Variants in PDE4B observed in about 807,000 individuals in gnomAD.
The protein encoded by PDE4B is phosphodiesterase 4B, also known as 3',5'-cyclic-AMP phosphodiesterase 4B.
Under a neutral mutation model 82.2 loss-of-function variants are expected in PDE4B, and 20 were observed. That is an observed-to-expected ratio of 0.24 (90% CI 0.17 to 0.35). PDE4B has a LOEUF of 0.35. PDE4B is among the 10% of genes least tolerant of loss of function. The pLI, the probability that PDE4B is intolerant of heterozygous loss-of-function variation, is 1.00. For synonymous variants in PDE4B, 320 were observed against 318.9 expected (o/e 1.00, Z -0.04); for missense variants, 655 against 907.2 (o/e 0.72, Z 3.57).
At chr1:65,879,106 C>T (rs1035113881) in intron 1 of PDE4B, among the ~76,000 whole-genome samples, 1 of 151,962 alleles carries the variant, frequency 6.6e-6, no homozygotes, top group East Asian at 1.9e-4. Flanking sequence ...CTCCTTTTAC[C>T]CTCTAGACTC....
rs577305540 is a variant in PDE4B, at chr1:66,214,472, G to T, written c.282-32988G>T. Among the ~76,000 whole-genome samples the T allele has an allele frequency of 2.6e-5, 4 of 152,010 alleles. No homozygotes were observed. In the East Asian group the frequency reaches 7.7e-4, roughly 29 times the overall value. Reference sequence around the variant, plus strand: ...GCTCTTGGTTAGGTATTGGGCTGAGGGATTGCACATATATTATTGCATCAA... The same window carrying T: ...GCTCTTGGTTAGGTATTGGGCTGAGTGATTGCACATATATTATTGCATCAA... On this transcript the variant is annotated intron_variant, in intron 3 of 16. Coordinates refer to ENST00000341517, the MANE Select transcript of PDE4B (RefSeq NM_002600.4).
intron 1 of PDE4B, among the ~76,000 whole-genome samples, chr1:65,890,895 G>A (rs186188645): frequency 2.3e-4 from 35 of 152,038 alleles, no homozygotes; most frequent in African/African-American, 8.2e-4. Flanking sequence ...AACAGCTGCT[G>A]TGGTAGTTAG....
intron 3 of PDE4B, among the ~76,000 whole-genome samples, chr1:65,998,489 G>A (rs1320223958): frequency 6.6e-6 from 1 of 152,032 alleles, no homozygotes; most frequent in Non-Finnish European, 1.5e-5. Flanking sequence ...TACTTTGCAG[G>A]TCAGGTAGAG....
rs561550383 is a variant in PDE4B at position 65,894,464 on chromosome 1, G to C, written c.-70-18781G>C. The stretch of plus-strand genomic sequence containing the variant: ...ATAGGAACATAATCTATGAAATGAT[G>C]GGTTGATCAAAGATTTCTTAGAACA... On this transcript the variant is annotated intron_variant, in intron 1 of 16. Coordinates refer to ENST00000341517, the MANE Select transcript of PDE4B (RefSeq NM_002600.4). Among the ~76,000 whole-genome samples, 6 of 152,142 alleles carry C rather than the reference G, an allele frequency of 3.9e-5. No individual in the cohort carries two copies. The East Asian group carries it at 9.7e-4, about 25-fold the overall frequency.
At chr1:66,274,025 T>C (rs1259103883) in intron 7 of PDE4B, among the ~76,000 whole-genome samples, 1 of 152,250 alleles carries the variant, frequency 6.6e-6, no homozygotes, top group Non-Finnish European at 1.5e-5. Context: ...ACTATATTGT[T>C]CTCTTAGTGC....
chr1:66,332,260 G>T, intron 7 of PDE4B: 1 of 1,469,362 alleles, frequency 6.8e-7, no homozygotes. Flanking sequence ...AAGTTTCTTG[G>T]TAGATCACCG....
intron 1 of PDE4B, among the ~76,000 whole-genome samples, chr1:65,806,050 A>C (rs77978858): frequency 0.017 from 2,514 of 152,188 alleles, 112 homozygotes; most frequent in East Asian, 0.12. Context: ...ATTAATTCTG[A>C]AGTCAATTTT....
chr1:66,286,088 A>G (rs1656655045), intron 7 of PDE4B, among the ~76,000 whole-genome samples: 1 of 152,196 alleles, frequency 6.6e-6, no homozygotes, highest in South Asian at 2.1e-4. Flanking sequence ...AATAAGTGCT[A>G]AATAAATAAA....
At chr1:66,201,158 G>A (rs1295203304) in intron 3 of PDE4B, among the ~76,000 whole-genome samples, 1 of 152,168 alleles carries the variant, frequency 6.6e-6, no homozygotes, top group African/African-American at 2.4e-5. Context: ...TTATTGATTT[G>A]TGCATGTTGA....
At chr1:66,068,152 A>G (rs1655964579) in intron 3 of PDE4B, among the ~76,000 whole-genome samples, 1 of 151,792 alleles carries the variant, frequency 6.6e-6, no homozygotes, top group Non-Finnish European at 1.5e-5. Context: ...TGGGGGAGCT[A>G]TATGTATAAT....
chr1:66,078,398 C>T (rs185649572), intron 3 of PDE4B, among the ~76,000 whole-genome samples: 162 of 152,016 alleles, frequency 1.1e-3, no homozygotes, highest in Middle Eastern at 6.8e-3. Flanking sequence ...TTAGTAGATA[C>T]GGGGTTTCAC....
chr1:65,862,086 T>C (rs1350905109), intron 1 of PDE4B, among the ~76,000 whole-genome samples: 4 of 152,154 alleles, frequency 2.6e-5, no homozygotes, highest in African/African-American at 4.8e-5. Flanking sequence ...CAATACTATA[T>C]TGAATTGTAG....
chr1:65,815,667 C>G (rs1645874683), intron 1 of PDE4B, among the ~76,000 whole-genome samples: 2 of 152,064 alleles, frequency 1.3e-5, no homozygotes, highest in Admixed American at 1.3e-4. Context: ...AGTTTCTGTT[C>G]AATAAAATTT....
chr1:66,232,498 G>A (rs1051094297), intron 3 of PDE4B, among the ~76,000 whole-genome samples: 3 of 152,142 alleles, frequency 2.0e-5, no homozygotes, highest in African/African-American at 7.2e-5. Flanking sequence ...TAAATAGATA[G>A]TATTCTATAT....
chr1:66,031,004 T>G lies in PDE4B; in HGVS notation c.281+112169T>G, dbSNP rs1490049437. Among the ~76,000 whole-genome samples, 4 of 152,186 alleles carry G rather than the reference T, an allele frequency of 2.6e-5. No individual in the cohort carries two copies. The East Asian group carries it at 7.7e-4, about 29-fold the overall frequency. On this transcript the variant is annotated intron_variant, in intron 3 of 16. Coordinates refer to ENST00000341517, the MANE Select transcript of PDE4B (RefSeq NM_002600.4). ...GGGCATGAGCTGAAGAACCATCTGT[T>G]GGATATTATGCTTTCTGCCTGGGTG...
At chr1:66,322,375 A>T (rs1459752801) in intron 7 of PDE4B, among the ~76,000 whole-genome samples, 1 of 152,174 alleles carries the variant, frequency 6.6e-6, no homozygotes, top group Non-Finnish European at 1.5e-5. Context: ...CAGAGTGAAC[A>T]GGCAACCTAC....
At chr1:66,202,345 T>C (rs1311379079) in intron 3 of PDE4B, among the ~76,000 whole-genome samples, 1 of 152,228 alleles carries the variant, frequency 6.6e-6, no homozygotes, top group East Asian at 1.9e-4. Flanking sequence ...TGGAGAGTTC[T>C]GTAGATATCT....
chr1:66,029,883 A>C (rs1463312782), intron 3 of PDE4B, among the ~76,000 whole-genome samples: 4 of 152,226 alleles, frequency 2.6e-5, no homozygotes, highest in Non-Finnish European at 5.9e-5. Flanking sequence ...GATCTTTGCT[A>C]GATATACAAA....
intron 1 of PDE4B, among the ~76,000 whole-genome samples, chr1:65,836,725 C>T (rs1213330316): frequency 1.3e-5 from 2 of 151,986 alleles, no homozygotes; most frequent in African/African-American, 4.8e-5. Flanking sequence ...CCATCTTTAT[C>T]TCTGTCTTTA....
Sources: gnomAD v4.1 joint callset for allele counts (sites outside exome capture counted in the v4.1 genomes callset) on GRCh38, gnomAD v4.1.1 for gene constraint, MANE v1.5 for transcripts, NCBI Gene and HGNC (gene_info 2026-07-23, HGNC 2026-07-21) for gene names.